Variants in GRM5 observed in about 807,000 individuals in gnomAD.
GRM5 encodes glutamate metabotropic receptor 5.
In GRM5, 19 loss-of-function variants were observed where a neutral mutation model predicts 83.1. The observed-to-expected ratio is 0.23, with a 90% CI of 0.16 to 0.34. GRM5 has a LOEUF of 0.34. GRM5 is among the 10% of genes least tolerant of loss of function. GRM5 has a pLI of 1.00. For missense variants in GRM5, 1,160 were observed against 1,588.3 expected, an observed-to-expected ratio of 0.73 and a Z score of 4.58; for synonymous variants, 675 against 633.6, an observed-to-expected ratio of 1.07 and a Z score of -0.98.
intron 4 of GRM5, among the ~76,000 whole-genome samples, chr11:88,622,529 A>G (rs1179195507): frequency 6.6e-6 from 1 of 152,126 alleles, no homozygotes; most frequent in African/African-American, 2.4e-5. Context: ...CCAGACTTCA[A>G]TTCCTTTGAT....
intron 4 of GRM5, among the ~76,000 whole-genome samples, chr11:88,606,844 T>C (rs935795228): frequency 5.3e-5 from 8 of 150,632 alleles, no homozygotes; most frequent in Non-Finnish European, 1.0e-4. Context: ...TTAAGACATA[T>C]AGGAAGAGTG....
chr11:89,016,127 AAACT>A (rs1329506031), intron 2 of GRM5, among the ~76,000 whole-genome samples: 3 of 151,546 alleles, frequency 2.0e-5, no homozygotes, highest in Non-Finnish European at 2.9e-5. Context: ...TGTTAAGGTA[AAACT>A]AACTAAACAC....
chr11:88,825,308 T>C (rs2047512), intron 3 of GRM5, among the ~76,000 whole-genome samples: 41,517 of 151,906 alleles, frequency 0.27, 6,830 homozygotes, highest in Non-Finnish European at 0.38. Flanking sequence ...ATTGTTTTTG[T>C]GAACACCCCT....
chr11:88,952,522 A>G (rs1221252782), intron 2 of GRM5, among the ~76,000 whole-genome samples: 2 of 152,148 alleles, frequency 1.3e-5, no homozygotes, highest in Non-Finnish European at 2.9e-5. Context: ...TGCAAAATTC[A>G]TACCCCAAAA....
chr11:88,668,297 G>GCGCACACACACA (rs1391845794), intron 3 of GRM5, among the ~76,000 whole-genome samples: 2 of 130,034 alleles, frequency 1.5e-5, no homozygotes, highest in African/African-American at 6.0e-5. Context: ...CCAGAAACTC[G>GCGCACACACACA]CACACACACA....
chr11:88,651,265 AT>A, intron 4 of GRM5, among the ~76,000 whole-genome samples: 1 of 152,200 alleles, frequency 6.6e-6, no homozygotes, highest in Non-Finnish European at 1.5e-5. Flanking sequence ...AAGAGGAGGC[AT>A]TTCAGACCAA....
At chr11:88,884,373 A>G (rs1433904886) in intron 2 of GRM5, among the ~76,000 whole-genome samples, 3 of 152,176 alleles carry the variant, frequency 2.0e-5, no homozygotes, top group Non-Finnish European at 4.4e-5. Flanking sequence ...ATGTGTATAT[A>G]TACCCAATGC....
At chr11:88,942,682 A>G (rs959396023) in intron 2 of GRM5, among the ~76,000 whole-genome samples, 1 of 151,968 alleles carries the variant, frequency 6.6e-6, no homozygotes, top group Non-Finnish European at 1.5e-5. Context: ...CTTTCATTTG[A>G]TAATATAATG....
intron 3 of GRM5, among the ~76,000 whole-genome samples, chr11:88,680,529 T>G (rs1019500721): frequency 6.6e-6 from 1 of 152,190 alleles, no homozygotes; most frequent in Non-Finnish European, 1.5e-5. Context: ...TACACTGTTG[T>G]TGGGACTGTA....
chr11:88,721,496 A>G (rs1371733377), intron 3 of GRM5, among the ~76,000 whole-genome samples: 1 of 152,140 alleles, frequency 6.6e-6, no homozygotes, highest in Non-Finnish European at 1.5e-5. Flanking sequence ...ACAAAAACAC[A>G]GTCTAATATT....
At chr11:89,056,546 C>T (rs1366609889) in intron 1 of GRM5, among the ~76,000 whole-genome samples, 1 of 152,080 alleles carries the variant, frequency 6.6e-6, no homozygotes, top group African/African-American at 2.4e-5. Flanking sequence ...CTAAGAACAC[C>T]AATTTCTTAT....
intron 2 of GRM5, chr11:89,008,959 T>G (rs1940607019): frequency 1.7e-6 from 1 of 579,626 alleles, no homozygotes; most frequent in Admixed American, 2.9e-5. Context: ...TTTAAAAACA[T>G]AACTGACAAG....
intron 3 of GRM5, among the ~76,000 whole-genome samples, chr11:88,743,676 A>G (rs550625188): frequency 5.3e-5 from 8 of 152,240 alleles, no homozygotes; most frequent in African/African-American, 1.7e-4. Flanking sequence ...CCATTTTACC[A>G]GGATCCAAAT....
intron 3 of GRM5, among the ~76,000 whole-genome samples, chr11:88,727,104 A>G (rs1163391101): frequency 6.6e-6 from 1 of 152,210 alleles, no homozygotes; most frequent in Non-Finnish European, 1.5e-5. Flanking sequence ...CAAATTGGAT[A>G]AAGAGTCAAG....
chr11:88,995,462 T>C (rs1397744065), intron 2 of GRM5, among the ~76,000 whole-genome samples: 1 of 147,720 alleles, frequency 6.8e-6, no homozygotes, highest in Non-Finnish European at 1.5e-5. Context: ...GAAGAATCAC[T>C]TGAACCCGGG....
intron 8 of GRM5, among the ~76,000 whole-genome samples, chr11:88,546,686 G>A (rs1357524514): frequency 5.3e-5 from 8 of 152,010 alleles, no homozygotes; most frequent in East Asian, 3.9e-4. Context: ...GACTTTGTAC[G>A]TGGTGTAAGC....
At chr11:89,014,720 T>C (rs1282035340) in intron 2 of GRM5, among the ~76,000 whole-genome samples, 2 of 152,206 alleles carry the variant, frequency 1.3e-5, no homozygotes, top group Non-Finnish European at 2.9e-5. Context: ...TTTGATGGAA[T>C]GGATACCCCA....
chr11:88,584,877 A>C (rs1943283606), intron 7 of GRM5, among the ~76,000 whole-genome samples: 1 of 152,246 alleles, frequency 6.6e-6, no homozygotes, highest in South Asian at 2.1e-4. Context: ...TATTTTCAGC[A>C]TTTAGAACAT....
chr11:88,818,412 G>A lies in GRM5; in HGVS notation c.911+31494C>T, dbSNP rs146631740. 4.7e-3 allele frequency among the ~76,000 whole-genome samples: 715 copies of A among 152,062 alleles called. 6 individuals are homozygous for A. Among genetic ancestry groups the A allele is most frequent in the Middle Eastern group, 0.017 (5 of 294 alleles). On this transcript the variant is annotated intron_variant, in intron 3 of 9. Transcript: ENST00000305447. ...ATACATGATGATATGCTGACTTTTG[G>A]CTCCATAAAAATAAGAAAAATTATT...
Sources: gnomAD v4.1 joint callset for allele counts (sites outside exome capture counted in the v4.1 genomes callset) on GRCh38, gnomAD v4.1.1 for gene constraint, MANE v1.5 for transcripts, NCBI Gene and HGNC (gene_info 2026-07-23, HGNC 2026-07-21) for gene names.